Variants in ATP6V1G1 observed in about 807,000 individuals in gnomAD.
ATP6V1G1 encodes the protein V-type proton ATPase subunit G 1.
In ATP6V1G1, 14 loss-of-function variants were observed where a neutral mutation model predicts 14.2. The ratio of observed to expected loss-of-function variants is 0.99; its 90% CI spans 0.65 to 1.55. The LOEUF (loss-of-function observed/expected upper bound fraction) is 1.55. ATP6V1G1 is among the 40% of genes most tolerant of loss of function. The pLI, the probability that ATP6V1G1 is intolerant of heterozygous loss-of-function variation, is 0.00. For synonymous variants in ATP6V1G1, 65 were observed against 53.3 expected, an observed-to-expected ratio of 1.22 and a Z score of -0.96; for missense variants, 137 against 146.4, an observed-to-expected ratio of 0.94 and a Z score of 0.33.
intron 1 of ATP6V1G1, among the ~76,000 whole-genome samples, chr9:114,591,308 T>C (rs1163865869): frequency 2.6e-5 from 4 of 152,240 alleles, no homozygotes; most frequent in Non-Finnish European, 5.9e-5. Flanking sequence ...GAGTTATAAA[T>C]GCAGGGAGCC....
chr9:114,587,993 G>C, intron 1 of ATP6V1G1, 73 bp downstream of exon 1: 1 of 1,494,656 alleles, frequency 6.7e-7, no homozygotes, highest in South Asian at 1.2e-5. Flanking sequence ...GTGGTGGGTA[G>C]ATTAGGCCCG....
chr9:114,594,671 C>T (rs968928121), intron 2 of ATP6V1G1, among the ~76,000 whole-genome samples: 6 of 152,076 alleles, frequency 3.9e-5, no homozygotes, highest in African/African-American at 1.4e-4. Flanking sequence ...GCGTGAGCCA[C>T]CACGCCTGGC....
chr9:114,595,000 C>T (rs1434291452), intron 2 of ATP6V1G1, among the ~76,000 whole-genome samples: 1 of 150,800 alleles, frequency 6.6e-6, no homozygotes, highest in African/African-American at 2.4e-5. Context: ...GCTGGGATTA[C>T]AGGTGCCCAC....
At position 114,597,635 on chromosome 9, in the gene ATP6V1G1, C is replaced by A. The variant is rs112425042; in HGVS notation, c.249C>A (p.Ile83=). 11 of 1,587,776 alleles carry A rather than the reference C, an allele frequency of 6.9e-6. No homozygotes were observed. The highest frequency in any genetic ancestry group is 5.5e-5 in the African/African-American group (4 of 73,386). ...VEKETQEKMT[I]LQTYFRQNRD... ...AGGAGACCCAGGAGAAGATGACCAT[C>A]CTCCAGACATACTTCCGGCAGAACA... is the stretch of plus-strand genomic sequence containing the variant. The change falls in exon 3 of 3, where the codon ATC becomes ATA. Residue 83 remains isoleucine (I), a synonymous_variant. Transcript: ENST00000374050.
chr9:114,594,301 G>GCCTGCC (rs2133559369), intron 2 of ATP6V1G1, among the ~76,000 whole-genome samples: 1 of 151,636 alleles, frequency 6.6e-6, no homozygotes, highest in South Asian at 2.1e-4. Flanking sequence ...ACTCCCGACC[G>GCCTGCC]CAGGTGATCT....
At chr9:114,593,819 AGTGACTCACACCT>A (rs1457313111) in intron 2 of ATP6V1G1, among the ~76,000 whole-genome samples, 2 of 152,062 alleles carry the variant, frequency 1.3e-5, no homozygotes, top group Non-Finnish European at 2.9e-5. Flanking sequence ...GGCTGGGCAT[AGTGACTCACACCT>A]GTAATCCCAA....
chr9:114,588,028 G>A (rs1407601910), intron 1 of ATP6V1G1, 108 bp downstream of exon 1: 2 of 1,193,782 alleles, frequency 1.7e-6, no homozygotes, highest in South Asian at 1.4e-5. Context: ...GCGGGCGTGC[G>A]TATAGTCGCG....
At chr9:114,588,486 G>C (rs1173939612) in intron 1 of ATP6V1G1, among the ~76,000 whole-genome samples, 2 of 150,290 alleles carry the variant, frequency 1.3e-5, no homozygotes, top group Non-Finnish European at 3.0e-5. Context: ...CAGTGTGTGT[G>C]TGTTTCTAAC....
intron 2 of ATP6V1G1, among the ~76,000 whole-genome samples, chr9:114,595,189 G>A (rs567868816): frequency 6.6e-6 from 1 of 152,256 alleles, no homozygotes; most frequent in African/African-American, 2.4e-5. Flanking sequence ...CTTTCTAGCA[G>A]TGTTCCATTG....
intron 1 of ATP6V1G1, among the ~76,000 whole-genome samples, chr9:114,592,004 C>G (rs1845186756): frequency 6.6e-6 from 1 of 152,190 alleles, no homozygotes; most frequent in African/African-American, 2.4e-5. Context: ...GTCCAGTACT[C>G]CTCATTCAGC....
intron 1 of ATP6V1G1, among the ~76,000 whole-genome samples, chr9:114,591,657 G>A (rs996912218): frequency 1.3e-5 from 2 of 152,194 alleles, no homozygotes; most frequent in African/African-American, 4.8e-5. Flanking sequence ...TCTGAATCAG[G>A]ATGTGGAAGG....
intron 1 of ATP6V1G1, chr9:114,588,130 G>T (rs1049948099): frequency 3.3e-6 from 2 of 603,970 alleles, no homozygotes; most frequent in African/African-American, 3.7e-5. Context: ...TAAATTGGGC[G>T]TGGAAACAAT....
At position 114,598,859 on chromosome 9, in the gene ATP6V1G1, C is replaced by G. The variant is rs1845270398; in HGVS notation, c.*1116C>G. On this transcript the variant is annotated 3_prime_UTR_variant, in exon 3 of 3. Coordinates refer to ENST00000374050, the MANE Select transcript of ATP6V1G1 (RefSeq NM_004888.4). ...TTCTGATACAATACAACTAGATGAC[C>G]TTAAAAACCCTCATATTTAATATGA... is the stretch of plus-strand genomic sequence containing the variant. Among the ~76,000 whole-genome samples the G allele has an allele frequency of 6.6e-6, 1 of 152,106 alleles. No homozygotes were observed. The highest frequency in any genetic ancestry group is 6.6e-5 in the Admixed American group (1 of 15,254).
chr9:114,594,368 G>A (rs969251458), intron 2 of ATP6V1G1, among the ~76,000 whole-genome samples: 3 of 147,226 alleles, frequency 2.0e-5, no homozygotes, highest in Non-Finnish European at 3.0e-5. Flanking sequence ...CGCGCCCAGC[G>A]CCCCCCGCCC....
intron 2 of ATP6V1G1, among the ~76,000 whole-genome samples, chr9:114,595,139 A>G (rs1453218844): frequency 6.6e-6 from 1 of 151,450 alleles, no homozygotes; most frequent in East Asian, 1.9e-4. Flanking sequence ...AAGTGCAGGG[A>G]TTAGAGGTGT....
At chr9:114,591,104 A>C (rs539603968) in intron 1 of ATP6V1G1, among the ~76,000 whole-genome samples, 13 of 152,308 alleles carry the variant, frequency 8.5e-5, no homozygotes, top group Admixed American at 8.5e-4. Flanking sequence ...TGGACCTTAA[A>C]ATTTTAAAAA....
rs772962369 is a variant in ATP6V1G1 at position 114,587,818 on chromosome 9, G to C, written c.-21G>C. On this transcript the variant is annotated 5_prime_UTR_variant, in exon 1 of 3. Transcript: ENST00000374050. ...CGAGGTGCCTTAGGCCGCTTGCCTT[G>C]CTCTCAGAATCGCTGCCGCCATGGC... 37 of 1,573,872 alleles carry C rather than the reference G, an allele frequency of 2.4e-5. No individual in the cohort carries two copies. Among genetic ancestry groups the C allele is most frequent in the East Asian group, 2.3e-5 (1 of 43,072 alleles).
At position 114,598,771 on chromosome 9, in the gene ATP6V1G1, C is replaced by G. The variant is rs1174928090; in HGVS notation, c.*1028C>G. Reference sequence around the variant, plus strand: ...TCCTGTGGCCATCTTAGCCGAAAGTCTTTGGTTGCAAAATCTTATAGGTAA... The same window carrying G: ...TCCTGTGGCCATCTTAGCCGAAAGTGTTTGGTTGCAAAATCTTATAGGTAA... On this transcript the variant is annotated 3_prime_UTR_variant, in exon 3 of 3. Coordinates refer to ENST00000374050, the MANE Select transcript of ATP6V1G1 (RefSeq NM_004888.4). Among the ~76,000 whole-genome samples the G allele has an allele frequency of 6.6e-6, 1 of 152,134 alleles. No individual in the cohort carries two copies. The highest frequency in any genetic ancestry group is 1.5e-5 in the Non-Finnish European group (1 of 68,030).
Position 114,592,606 on chromosome 9 carries a change from A to G in ATP6V1G1, c.137A>G (p.Gln46Arg), listed in dbSNP as rs769047044. Residue 46 changes from glutamine to arginine, a missense_variant, in exon 2 of 3, where the codon CAG becomes CGG. Physicochemically the swap from Gln to Arg is conservative, Grantham distance 43. Transcript: ENST00000374050. Reference sequence around the variant, plus strand: ...GAAGAAGCTCAGGCTGAAATTGAACAGTACCGCCTGCAGAGGGAGAAAGAA... The same window carrying G: ...GAAGAAGCTCAGGCTGAAATTGAACGGTACCGCCTGCAGAGGGAGAAAGAA... ...AKEEAQAEIE[Q>R]YRLQREKEFK... is the part of the protein sequence containing the mutation. 5.1e-6 allele frequency: 8 copies of G among 1,577,892 alleles called. No homozygotes were observed. The highest frequency in any genetic ancestry group is 6.9e-6 in the Non-Finnish European group (8 of 1,161,000).
Sources: allele counts gnomAD v4.1 joint callset (sites outside exome capture counted in the v4.1 genomes callset), GRCh38; gene constraint gnomAD v4.1.1; transcripts MANE v1.5; gene names NCBI Gene and HGNC (gene_info 2026-07-23, HGNC 2026-07-21).